Variants in SMAP1 observed in about 807,000 individuals in gnomAD.
SMAP1 encodes stromal membrane-associated protein 1.
SMAP1 carries 24 observed loss-of-function variants against 58.5 expected under a neutral mutation model. The observed-to-expected ratio is 0.41, with a 90% confidence interval of 0.30 to 0.58. SMAP1 has a LOEUF of 0.58. Among genes scored for constraint, SMAP1 ranks in the 20% least tolerant of loss-of-function variants. SMAP1 has a pLI of 0.29. For missense variants in SMAP1, 563 were observed against 566.3 expected (o/e 0.99, Z 0.06); for synonymous variants, 216 against 196.6 (o/e 1.10, Z -0.82).
At chr6:70,791,573 C>A in intron 4 of SMAP1, 116 bp from the exon 5 acceptor site, 1 of 723,634 alleles carries the variant, frequency 1.4e-6, no homozygotes, top group Non-Finnish European at 2.2e-6. Context: ...ATTAACATGC[C>A]TCTAAGTGCT....
chr6:70,845,125 T>C (rs1249668503), intron 7 of SMAP1, among the ~76,000 whole-genome samples: 1 of 152,244 alleles, frequency 6.6e-6, no homozygotes, highest in African/African-American at 2.4e-5. Flanking sequence ...GCCACATTCT[T>C]ATCTGCCTTA....
In SMAP1 at chr6:70,860,937, A is replaced by G. The variant is rs1771694367; in HGVS notation, c.*603A>G. ...CGTTTAATGAATGCTTAAAGAATTC[A>G]AATTTTATCTGCCTCTCTTGTAATT... On this transcript the variant is annotated 3_prime_UTR_variant, in exon 11 of 11. Transcript: ENST00000370455. The G allele has an allele frequency of 2.7e-6, 1 of 374,198 alleles. No individual in the cohort carries two copies. The highest frequency in any genetic ancestry group is 4.8e-6 in the Non-Finnish European group (1 of 210,354). The allele number at this position is 374,198 out of a possible 1,614,324, so 23.2% of individuals were successfully genotyped here.
chr6:70,817,918 G>C (rs920978134), intron 6 of SMAP1, among the ~76,000 whole-genome samples: 5 of 152,072 alleles, frequency 3.3e-5, no homozygotes, highest in African/African-American at 9.7e-5. Context: ...TTTGAAATTA[G>C]AACTCTTGTT....
intron 1 of SMAP1, among the ~76,000 whole-genome samples, chr6:70,730,617 A>G (rs1477443244): frequency 6.6e-6 from 1 of 152,228 alleles, no homozygotes; most frequent in Non-Finnish European, 1.5e-5. Context: ...AAAGCAGGAT[A>G]TTTGAGGATA....
intron 1 of SMAP1, among the ~76,000 whole-genome samples, chr6:70,722,897 G>A (rs1384983395): frequency 6.6e-6 from 1 of 152,194 alleles, no homozygotes; most frequent in Non-Finnish European, 1.5e-5. Context: ...TGGCCATCAC[G>A]AACATGTCAC....
chr6:70,739,946 A>C (rs934815247), intron 2 of SMAP1, among the ~76,000 whole-genome samples: 1 of 151,698 alleles, frequency 6.6e-6, no homozygotes, highest in Non-Finnish European at 1.5e-5. Context: ...TTAAAATTTC[A>C]AATTTGGTTG....
At chr6:70,705,973 A>G (rs1267225144) in intron 1 of SMAP1, among the ~76,000 whole-genome samples, 3 of 152,206 alleles carry the variant, frequency 2.0e-5, no homozygotes, top group African/African-American at 4.8e-5. Flanking sequence ...CTCAGAGTCC[A>G]TTATGATTGT....
chr6:70,746,431 A>G (rs1003879504), intron 2 of SMAP1, among the ~76,000 whole-genome samples: 3 of 152,124 alleles, frequency 2.0e-5, no homozygotes, highest in Non-Finnish European at 4.4e-5. Context: ...TGAGATAATC[A>G]TGTGGTTTTT....
At chr6:70,765,443 A>G (rs1403798907) in intron 3 of SMAP1, among the ~76,000 whole-genome samples, 1 of 152,244 alleles carries the variant, frequency 6.6e-6, no homozygotes, top group East Asian at 1.9e-4. Context: ...TGTGAGTTAT[A>G]TACATACATT....
chr6:70,817,472 T>C (rs1769690150), intron 6 of SMAP1, among the ~76,000 whole-genome samples: 1 of 152,162 alleles, frequency 6.6e-6, no homozygotes, highest in African/African-American at 2.4e-5. Flanking sequence ...CAAGCTCTTA[T>C]CCATTGCTTT....
rs183531814 is a variant in SMAP1, at chr6:70,846,781, G to C, written c.665-5759G>C. On this transcript the variant is annotated intron_variant, in intron 7 of 10. Coordinates refer to ENST00000370455, the MANE Select transcript of SMAP1 (RefSeq NM_001044305.3). ...TGGTCATGTAAATCATTGTAACTCTGGGTAGGGAATGGGCACCTGTTTCTG... is the reference window on the plus strand; with the variant it reads ...TGGTCATGTAAATCATTGTAACTCTCGGTAGGGAATGGGCACCTGTTTCTG... 1.1e-3 allele frequency among the ~76,000 whole-genome samples: 171 copies of C among 152,260 alleles called. 2 individuals carry two copies. Among genetic ancestry groups the C allele is most frequent in the Non-Finnish European group, 1.9e-3 (129 of 68,030 alleles).
intron 7 of SMAP1, among the ~76,000 whole-genome samples, chr6:70,843,414 A>G (rs746565002): frequency 9.2e-5 from 14 of 152,106 alleles, no homozygotes; most frequent in Non-Finnish European, 1.8e-4. Context: ...ACAGATATTT[A>G]TTTATTGAAT....
chr6:70,738,885 A>C (rs1765714180), intron 2 of SMAP1, among the ~76,000 whole-genome samples: 1 of 152,228 alleles, frequency 6.6e-6, no homozygotes, highest in Non-Finnish European at 1.5e-5. Flanking sequence ...AAAGTGGCTA[A>C]GTACATTAAA....
intron 4 of SMAP1, among the ~76,000 whole-genome samples, chr6:70,777,007 T>C (rs1027636889): frequency 6.6e-6 from 1 of 152,224 alleles, no homozygotes; most frequent in Non-Finnish European, 1.5e-5. Context: ...ATAAATGCCC[T>C]GTAGTGGGAT....
intron 4 of SMAP1, among the ~76,000 whole-genome samples, chr6:70,786,356 G>A (rs1221252378): frequency 6.9e-6 from 1 of 144,140 alleles, no homozygotes; most frequent in Non-Finnish European, 1.5e-5. Flanking sequence ...ATACTGAATG[G>A]GCAAAAACTG....
chr6:70,826,825 G>A (rs1211525250), intron 6 of SMAP1, among the ~76,000 whole-genome samples: 1 of 151,472 alleles, frequency 6.6e-6, no homozygotes, highest in African/African-American at 2.4e-5. Flanking sequence ...AGCTCCTTGG[G>A]AGGCTGAGGT....
At chr6:70,849,002 G>C (rs1274963844) in intron 7 of SMAP1, among the ~76,000 whole-genome samples, 1 of 152,156 alleles carries the variant, frequency 6.6e-6, no homozygotes, top group Non-Finnish European at 1.5e-5. Flanking sequence ...GTGAAATCCA[G>C]AACCCACCGT....
rs961241926 is a variant in SMAP1, at chr6:70,667,900, G to C, written c.-124G>C. On this transcript the variant is annotated 5_prime_UTR_variant, in exon 1 of 11. Coordinates refer to ENST00000370455, the MANE Select transcript of SMAP1 (RefSeq NM_001044305.3). ...CGCCCCTCCTCCCGTTCCAGCTGCC[G>C]CTGCCGCTTCCTGGGCTGAGTCCGC... 9.7e-6 allele frequency: 7 copies of C among 721,320 alleles called. No homozygotes were observed. In the African/African-American group the frequency reaches 1.1e-4, roughly 12 times the overall value. 44.7% of individuals were successfully genotyped at this position (721,320 alleles called of 1,614,324 possible).
At chr6:70,756,668 AC>A (rs941840483) in intron 3 of SMAP1, among the ~76,000 whole-genome samples, 6 of 152,116 alleles carry the variant, frequency 3.9e-5, no homozygotes, top group African/African-American at 1.4e-4. Context: ...GTGTTTAAAA[AC>A]ACATGAAGGA....
Sources: gnomAD v4.1 joint callset for allele counts (sites outside exome capture counted in the v4.1 genomes callset) on GRCh38, gnomAD v4.1.1 for gene constraint, MANE v1.5 for transcripts, NCBI Gene and HGNC (gene_info 2026-07-23, HGNC 2026-07-21) for gene names.